The following DNAH11 variants were observed in gnomAD, a reference collection of about 807,000 sequenced individuals.
DNAH11 encodes the protein axonemal beta dynein heavy chain 11.
In DNAH11, 442 loss-of-function variants were observed where a neutral mutation model predicts 526.0. That is an observed-to-expected ratio of 0.84 (90% CI 0.78 to 0.91). The LOEUF is 0.91. DNAH11 is among the 40% of genes least tolerant of loss of function. The pLI is 0.00. For synonymous variants in DNAH11, 2,461 were observed against 1,935.9 expected, an observed-to-expected ratio of 1.27 and a Z score of -7.12; for missense variants, 6,989 against 5,448.7, an observed-to-expected ratio of 1.28 and a Z score of -8.90.
chr7:21,728,850 A>T (rs761049467), intron 45 of DNAH11, among the ~76,000 whole-genome samples: 11 of 152,242 alleles, frequency 7.2e-5, no homozygotes, highest in Non-Finnish European at 1.5e-4. Flanking sequence ...TAGCAGAGCA[A>T]ATTCCTTTAG....
chr7:21,603,373 G>T (rs1218138585), intron 18 of DNAH11, among the ~76,000 whole-genome samples: 1 of 152,130 alleles, frequency 6.6e-6, no homozygotes, highest in African/African-American at 2.4e-5. Context: ...TATGAACACT[G>T]GTGTGTATTT....
intron 62 of DNAH11, among the ~76,000 whole-genome samples, chr7:21,807,656 A>T (rs185790661): frequency 2.6e-5 from 4 of 152,166 alleles, no homozygotes; most frequent in Non-Finnish European, 5.9e-5. Flanking sequence ...TAAAGAACTA[A>T]TGTCACTTTG....
intron 2 of DNAH11, among the ~76,000 whole-genome samples, chr7:21,554,706 T>C (rs1247154644): frequency 6.6e-6 from 1 of 152,096 alleles, no homozygotes; most frequent in Admixed American, 6.5e-5. Flanking sequence ...CCAGGGGATG[T>C]TTTAGAAGTG....
chr7:21,602,796 T>C lies in DNAH11; in HGVS notation c.3648+1178T>C, dbSNP rs111906000. ...AATGTCTAAGACCACACTTACTTTT[T>C]GCTAAAATATGCCTCATGATCCCTC... On this transcript the variant is annotated intron_variant, in intron 18 of 81. Transcript: ENST00000409508. Among the ~76,000 whole-genome samples, 498 of 152,338 alleles carry C rather than the reference T, an allele frequency of 3.3e-3. 8 individuals are homozygous for C. The highest frequency in any genetic ancestry group is 0.011 in the African/African-American group (462 of 41,592).
intron 78 of DNAH11, 31 bp from the exon 79 acceptor site, chr7:21,894,853 T>A: frequency 6.2e-7 from 1 of 1,613,134 alleles, no homozygotes; most frequent in Non-Finnish European, 8.5e-7. Context: ...TTGGAAGATA[T>A]TCACTGTGTG....
chr7:21,606,190 G>A (rs562829806), intron 18 of DNAH11, among the ~76,000 whole-genome samples: 42 of 152,226 alleles, frequency 2.8e-4, no homozygotes, highest in African/African-American at 9.4e-4. Context: ...GGGCATGGTG[G>A]TACATGCCTG....
At chr7:21,598,528 G>A (rs1784950824) in intron 14 of DNAH11, among the ~76,000 whole-genome samples, 1 of 151,990 alleles carries the variant, frequency 6.6e-6, no homozygotes, top group South Asian at 2.1e-4. Context: ...AACTTCCCTA[G>A]TCCAGTGTTT....
chr7:21,708,586 C>T (rs1359479332), intron 40 of DNAH11, among the ~76,000 whole-genome samples: 1 of 152,178 alleles, frequency 6.6e-6, no homozygotes, highest in Admixed American at 6.5e-5. Flanking sequence ...ATAATCCAAC[C>T]TTTTCCATGG....
chr7:21,745,389 A>C (rs1244053348), intron 51 of DNAH11, among the ~76,000 whole-genome samples: 3 of 152,232 alleles, frequency 2.0e-5, no homozygotes, highest in African/African-American at 7.2e-5. Flanking sequence ...GGTTTTGTTG[A>C]GTGCCAGATA....
At chr7:21,825,203 A>C (rs903072294) in intron 65 of DNAH11, among the ~76,000 whole-genome samples, 1 of 152,158 alleles carries the variant, frequency 6.6e-6, no homozygotes, top group African/African-American at 2.4e-5. Flanking sequence ...ATGACTGACT[A>C]TTCCTCAATT....
Position 21,571,882 on chromosome 7 carries a change from A to G in DNAH11, c.1502A>G (p.Asn501Ser), listed in dbSNP as rs773705030. 3.3e-5 allele frequency: 54 copies of G among 1,613,340 alleles called. 2 individuals are homozygous for G. The South Asian group carries it at 5.5e-4, about 16-fold the overall frequency. ...GGTGGTACCAAAGGAGCAATTTTAA[A>G]TGGACAAGTCCACGAGATGAGTGAA... ...EFGGTKGAIL[N>S]GQVHEMSEEL... is the part of the protein sequence containing the mutation. The change falls in exon 8 of 82, where the codon AAT becomes AGT. Residue 501 changes from asparagine (N) to serine (S), a missense_variant. Physicochemically the swap from Asn to Ser is conservative, Grantham distance 46. Coordinates refer to ENST00000409508, the MANE Select transcript of DNAH11 (RefSeq NM_001277115.2).
chr7:21,627,542 C>T (rs1786396487), intron 25 of DNAH11, among the ~76,000 whole-genome samples: 1 of 152,124 alleles, frequency 6.6e-6, no homozygotes, highest in Non-Finnish European at 1.5e-5. Flanking sequence ...ACTGTCCTTT[C>T]CCCATTGTAT....
At chr7:21,812,597 C>G (rs111729993) in intron 63 of DNAH11, among the ~76,000 whole-genome samples, 393 of 152,074 alleles carry the variant, frequency 2.6e-3, no homozygotes, top group African/African-American at 9.1e-3. Flanking sequence ...GAGGTTACAG[C>G]AAGCTATGAT....
At chr7:21,559,924 G>A in intron 4 of DNAH11, 132 bp downstream of exon 4, 1 of 770,580 alleles carries the variant, frequency 1.3e-6, no homozygotes, top group Non-Finnish European at 2.0e-6. Flanking sequence ...TTAATCCAGA[G>A]TTCTGTGTGT....
intron 44 of DNAH11, among the ~76,000 whole-genome samples, chr7:21,721,453 C>G: frequency 6.6e-6 from 1 of 152,122 alleles, no homozygotes; most frequent in Non-Finnish European, 1.5e-5. Context: ...TAACAAAATA[C>G]CACAAATTGG....
Position 21,735,769 on chromosome 7 carries a change from T to C in DNAH11, c.7570T>C (p.Leu2524=), listed in dbSNP as rs2072220. Residue 2524 remains leucine (L), a synonymous_variant, in exon 46 of 82, where the codon TTG becomes CTG. Transcript: ENST00000409508. The stretch of plus-strand genomic sequence containing the variant: ...AAAAACAGTCTTTGTAGGTGACACA[T>C]TGGCAAGTCTCTCTGAGGATTACAT... ...VGKTVFVGDT[L]ASLSEDYIVS... is the part of the protein sequence containing the mutation. 0.061 allele frequency: 97,820 copies of C among 1,613,770 alleles called. 6,619 individuals carry two copies. Among genetic ancestry groups the C allele is most frequent in the African/African-American group, 0.25 (18,589 of 74,956 alleles).
chr7:21,866,084 C>G (rs192762269), intron 70 of DNAH11, among the ~76,000 whole-genome samples: 1 of 152,122 alleles, frequency 6.6e-6, no homozygotes, highest in Non-Finnish European at 1.5e-5. Context: ...CATCCTGTGA[C>G]TTAGAATGCC....
chr7:21,651,032 G>A (rs966090937), intron 28 of DNAH11, among the ~76,000 whole-genome samples: 6 of 151,334 alleles, frequency 4.0e-5, no homozygotes, highest in African/African-American at 1.5e-4. Context: ...AAAAATCATG[G>A]ACTCACTTTA....
chr7:21,545,796 A>C (rs1782784709), intron 2 of DNAH11, among the ~76,000 whole-genome samples: 1 of 152,154 alleles, frequency 6.6e-6, no homozygotes, highest in African/African-American at 2.4e-5. Flanking sequence ...TGCATTTCTA[A>C]CCTGTTGCTG....
Sources: allele counts gnomAD v4.1 joint callset (sites outside exome capture counted in the v4.1 genomes callset), GRCh38; gene constraint gnomAD v4.1.1; transcripts MANE v1.5; gene names NCBI Gene and HGNC (gene_info 2026-07-23, HGNC 2026-07-21).